DNA2: variants seen among roughly 807,000 people sequenced by gnomAD.
DNA2 encodes the protein DNA replication ATP-dependent helicase/nuclease DNA2.
A neutral mutation model predicts 119.1 loss-of-function variants in DNA2; 101 were observed. The ratio of observed to expected loss-of-function variants is 0.85; its 90% CI spans 0.72 to 1.00. DNA2 has a LOEUF of 1.00. DNA2 is among the 50% of genes least tolerant of loss of function. DNA2 has a pLI of 0.00. For synonymous variants in DNA2, 366 were observed against 424.4 expected, an observed-to-expected ratio of 0.86 and a Z score of 1.69; for missense variants, 1,121 against 1,255.5, an observed-to-expected ratio of 0.89 and a Z score of 1.62.
chr10:68,468,629 G>A (rs1375814329), intron 2 of DNA2, among the ~76,000 whole-genome samples: 1 of 152,134 alleles, frequency 6.6e-6, no homozygotes, highest in Non-Finnish European at 1.5e-5. Context: ...GTAATATATA[G>A]CTCCAATTAT....
chr10:68,442,220 A>AT lies in DNA2; in HGVS notation c.1415+696dup, dbSNP rs79776225. ...ATGACCCGACGCCCTGACAAAAGTA[A>AT]TTTTTTTTTTTTTTTTGAGACAGAG... On this transcript the variant is annotated intron_variant, in intron 9 of 20. Transcript: ENST00000358410. 4.4e-3 allele frequency among the ~76,000 whole-genome samples: 624 copies of AT among 141,192 alleles called. 2 individuals carry two copies. The highest frequency in any genetic ancestry group is 0.011 in the Middle Eastern group (3 of 268). 92.6% of individuals were successfully genotyped at this position (141,192 alleles called of 152,430 possible). A position where few individuals can be genotyped will look rare whatever the true frequency, so the allele number is the denominator to read the frequency against.
chr10:68,469,390 C>CAAAAAAAAA lies in DNA2; in HGVS notation c.257+582_257+590dup, dbSNP rs71019005. 7.1e-3 allele frequency among the ~76,000 whole-genome samples: 522 copies of CAAAAAAAAA among 73,644 alleles called. 1 individual carries two copies. The highest frequency in any genetic ancestry group is 0.01 in the Non-Finnish European group (317 of 31,658). The allele number at this position is 73,644 out of a possible 152,430, so 48.3% of individuals were successfully genotyped here. ...TGAAACCCTGTCTCTACTAAAAATA[C>CAAAAAAAAA]AAAAAAAAAAAAAAAAAAAAGAATG... On this transcript the variant is annotated intron_variant, in intron 2 of 20. Coordinates refer to ENST00000358410, the MANE Select transcript of DNA2 (RefSeq NM_001080449.3).
intron 7 of DNA2, among the ~76,000 whole-genome samples, chr10:68,445,467 AAAATAAAT>A (rs1226689498): frequency 2.0e-5 from 3 of 152,244 alleles, no homozygotes; most frequent in South Asian, 2.1e-4. Flanking sequence ...CGGTCTCAAA[AAAATAAAT>A]AAATAAATAA....
At chr10:68,455,041 C>T (rs2052166081) in intron 5 of DNA2, among the ~76,000 whole-genome samples, 1 of 150,318 alleles carries the variant, frequency 6.7e-6, no homozygotes, top group African/African-American at 2.4e-5. Context: ...TGGGTTCAAG[C>T]GATTCTCCTG....
intron 14 of DNA2, chr10:68,424,415 G>A (rs914516043): frequency 4.1e-6 from 2 of 485,110 alleles, no homozygotes; most frequent in East Asian, 4.1e-5. Context: ...GAGGCAGGAG[G>A]ATCACTTGAG....
Position 68,432,526 on chromosome 10 carries a change from A to G in DNA2, c.1647-16T>C. The stretch of plus-strand genomic sequence containing the variant: ...CGACAAGTTTCTAAAACAACAAAAC[A>G]AATATACATGAATGCTCGCCATTTC... On this transcript the variant is annotated splice_polypyrimidine_tract_variant and intron_variant, in intron 10 of 20. Transcript: ENST00000358410. The G allele has an allele frequency of 7.4e-7, 1 of 1,354,480 alleles. No homozygotes were observed. The highest frequency in any genetic ancestry group is 1.0e-6 in the Non-Finnish European group (1 of 972,522). The allele number at this position is 1,354,480 out of a possible 1,614,324, so 83.9% of individuals were successfully genotyped here. A position where few individuals can be genotyped will look rare whatever the true frequency, so the allele number is the denominator to read the frequency against.
intron 1 of DNA2, among the ~76,000 whole-genome samples, chr10:68,471,442 C>G (rs556087373): frequency 1.3e-5 from 2 of 152,280 alleles, no homozygotes; most frequent in South Asian, 4.1e-4. Context: ...AGAGATCCCC[C>G]AAGGATAAGT....
Position 68,422,602 on chromosome 10 carries a change from GCT to G in DNA2, c.2403_2404del (p.Arg801SerfsTer6), listed in dbSNP as rs1564877506. ...GAATAAGCTTTCACTCATGCCAAGA[GCT>G]CTGTCAATAAATCAGATTCATGTTT... On this transcript the variant is annotated frameshift_variant and splice_region_variant, in exon 16 of 21. Coordinates refer to ENST00000358410, the MANE Select transcript of DNA2 (RefSeq NM_001080449.3). LOFTEE classifies it high-confidence loss of function. The G allele has an allele frequency of 1.2e-6, 2 of 1,613,930 alleles. No homozygotes were observed. The highest frequency in any genetic ancestry group is 1.7e-6 in the Non-Finnish European group (2 of 1,179,844).
chr10:68,461,414 C>A (rs1039354690), intron 4 of DNA2: 1 of 152,108 alleles, frequency 6.6e-6, no homozygotes, highest in Non-Finnish European at 1.5e-5. Flanking sequence ...TTGGTCTACA[C>A]CCATACCACC....
intron 7 of DNA2, among the ~76,000 whole-genome samples, chr10:68,445,919 G>A (rs1449651848): frequency 6.6e-6 from 1 of 152,114 alleles, no homozygotes; most frequent in African/African-American, 2.4e-5. Context: ...TTGAGGCCAA[G>A]AGTTCAAGAC....
At chr10:68,453,826 T>A (rs1286096232) in intron 5 of DNA2, among the ~76,000 whole-genome samples, 2 of 152,198 alleles carry the variant, frequency 1.3e-5, no homozygotes, top group African/African-American at 4.8e-5. Context: ...CACTCTGATG[T>A]TCACACAATG....
intron 1 of DNA2, among the ~76,000 whole-genome samples, chr10:68,471,235 T>C (rs767553972): frequency 6.6e-6 from 1 of 152,218 alleles, no homozygotes; most frequent in Non-Finnish European, 1.5e-5. Flanking sequence ...GTAGTCCACC[T>C]AACCTCAGGC....
chr10:68,430,973 A>T (rs931752987), intron 13 of DNA2, among the ~76,000 whole-genome samples: 3 of 152,058 alleles, frequency 2.0e-5, no homozygotes, highest in Admixed American at 6.6e-5. Flanking sequence ...ATCTCTTTTT[A>T]AAAAATTCTT....
chr10:68,465,730 G>A lies in DNA2; in HGVS notation c.524C>T (p.Ala175Val). 3 of 1,607,190 alleles carry A rather than the reference G, an allele frequency of 1.9e-6. No individual in the cohort carries two copies. Among genetic ancestry groups the A allele is most frequent in the Non-Finnish European group, 2.5e-6 (3 of 1,177,074 alleles). The change falls in exon 4 of 21, where the codon GCC becomes GTC. Residue 175 changes from alanine (A) to valine (V), a missense_variant. Coordinates refer to ENST00000358410, the MANE Select transcript of DNA2 (RefSeq NM_001080449.3). ...VFQKAINNSF[A>V]PEKLQELAFQ... ...AGCAAGTTCTTGTAGCTTTTCTGGG[G>A]CAAAGCTATTATTTATGGCTTTTTG...
chr10:68,436,980 G>T, intron 10 of DNA2, 31 bp downstream of exon 10: 2 of 1,495,766 alleles, frequency 1.3e-6, no homozygotes, highest in Non-Finnish European at 1.8e-6. Flanking sequence ...TATCAATAAA[G>T]CTGTTATCAA....
chr10:68,444,944 A>C lies in DNA2; in HGVS notation c.1197T>G (p.Ile399Met). 1 of 1,613,576 alleles carries C rather than the reference A, an allele frequency of 6.2e-7. No individual in the cohort carries two copies. The highest frequency in any genetic ancestry group is 8.5e-7 in the Non-Finnish European group (1 of 1,179,676). Residue 399 changes from isoleucine (I) to methionine (M), a missense_variant, in exon 8 of 21, where the codon ATT becomes ATG. Coordinates refer to ENST00000358410, the MANE Select transcript of DNA2 (RefSeq NM_001080449.3). ...ACCTGCTATAAAGAGCACAATTGCC[A>C]ATTTGTGAACAATATTTACAAGTTT... ...EEKTCKYCSQIGNCALYSRAV... is the reference protein window; with the variant it reads ...EEKTCKYCSQMGNCALYSRAV...
intron 5 of DNA2, among the ~76,000 whole-genome samples, chr10:68,458,757 A>G (rs10998196): frequency 0.18 from 27,533 of 151,810 alleles, 3,072 homozygotes; most frequent in African/African-American, 0.32. Flanking sequence ...CTGAGATAGG[A>G]GAATCACTTG....
chr10:68,466,483 ATTT>A (rs2052328160), intron 3 of DNA2, among the ~76,000 whole-genome samples: 1 of 149,414 alleles, frequency 6.7e-6, no homozygotes, highest in African/African-American at 2.4e-5. Flanking sequence ...AAGAAAAAAA[ATTT>A]TTTTAACCTA....
intron 9 of DNA2, among the ~76,000 whole-genome samples, chr10:68,442,220 ATTT>A (rs79776225): frequency 1.4e-5 from 2 of 141,250 alleles, no homozygotes; most frequent in Non-Finnish European, 1.6e-5. Flanking sequence ...GACAAAAGTA[ATTT>A]TTTTTTTTTT....
Sources: allele counts gnomAD v4.1 joint callset (sites outside exome capture counted in the v4.1 genomes callset), GRCh38; gene constraint gnomAD v4.1.1; transcripts MANE v1.5; gene names NCBI Gene and HGNC (gene_info 2026-07-23, HGNC 2026-07-21).